Variants in SLC6A18 observed in about 807,000 individuals in gnomAD.
SLC6A18 encodes the protein solute carrier family 6 member 18.
SLC6A18 carries 58 observed loss-of-function variants against 62.9 expected under a neutral mutation model. That is an observed-to-expected ratio of 0.92 (90% CI 0.75 to 1.15). The LOEUF (loss-of-function observed/expected upper bound fraction) is 1.15. Ranked by LOEUF, SLC6A18 falls within the 50% of genes most tolerant of loss-of-function variation. The pLI, the probability that SLC6A18 is intolerant of heterozygous loss-of-function variation, is 0.00. For synonymous variants in SLC6A18, 382 were observed against 365.8 expected (o/e 1.04, Z -0.51); for missense variants, 793 against 836.6 (o/e 0.95, Z 0.64).
chr5:1,242,813 G>A lies in SLC6A18; in HGVS notation c.1081G>A (p.Val361Met). The change falls in exon 8 of 12, where the codon GTG becomes ATG. Residue 361 changes from valine to methionine, a missense_variant. Physicochemically the swap from Val to Met is conservative, Grantham distance 21 (BLOSUM62 1). Coordinates refer to ENST00000324642, the MANE Select transcript of SLC6A18 (RefSeq NM_182632.3). ...CCTGAACGCCACCTGGCCCAAGAGGGTGGCCCAGCTCCCCCTGAAGGCCTG... is the reference window on the plus strand; with the variant it reads ...CCTGAACGCCACCTGGCCCAAGAGGATGGCCCAGCTCCCCCTGAAGGCCTG... ...MHLNATWPKRVAQLPLKACLL... is the reference protein window; with the variant it reads ...MHLNATWPKRMAQLPLKACLL... 3.1e-6 allele frequency: 5 copies of A among 1,613,782 alleles called. No individual in the cohort carries two copies. Among genetic ancestry groups the A allele is most frequent in the Non-Finnish European group, 3.4e-6 (4 of 1,179,796 alleles).
intron 11 of SLC6A18, 81 bp downstream of exon 11, chr5:1,244,848 G>A (rs571887552): frequency 2.5e-5 from 37 of 1,467,220 alleles, no homozygotes; most frequent in South Asian, 1.9e-4. Context: ...TCCGGTGCCC[G>A]ACGACCCATG....
At chr5:1,235,864 C>T (rs960096667) in intron 4 of SLC6A18, among the ~76,000 whole-genome samples, 1 of 152,196 alleles carries the variant, frequency 6.6e-6, no homozygotes, top group Non-Finnish European at 1.5e-5. Flanking sequence ...GGCTCTGAAA[C>T]TGACTTTGTT....
intron 1 of SLC6A18, among the ~76,000 whole-genome samples, chr5:1,226,251 C>T (rs992509059): frequency 5.3e-5 from 8 of 152,198 alleles, no homozygotes; most frequent in South Asian, 2.1e-4. Flanking sequence ...CCACGCACCT[C>T]GAGCCTCCCC....
At chr5:1,245,378 G>A (rs1747191919) in intron 11 of SLC6A18, among the ~76,000 whole-genome samples, 1 of 152,286 alleles carries the variant, frequency 6.6e-6, no homozygotes, top group Middle Eastern at 3.4e-3. Context: ...CCCTTCTCGG[G>A]AATGTGGACG....
intron 1 of SLC6A18, 136 bp downstream of exon 1, chr5:1,225,773 C>T: frequency 4.6e-6 from 5 of 1,091,840 alleles, no homozygotes; most frequent in Non-Finnish European, 2.5e-6. Context: ...TGCACCATTG[C>T]CCACGGCAGA....
rs1223400075 is a variant in SLC6A18 at position 1,243,347 on chromosome 5, G to A, written c.1132-208G>A. ...CAGCTGCCTGCTGTGGGTTATTAAA[G>A]GGGAAGGACCCTCCCCTGCAGAGTT... On this transcript the variant is annotated intron_variant, in intron 8 of 11. Transcript: ENST00000324642. The surrounding 1 kb of genome is among the most constrained non-coding windows in gnomAD (Gnocchi z 6.5). Among the ~76,000 whole-genome samples, 1 of 152,192 alleles carries A rather than the reference G, an allele frequency of 6.6e-6. No homozygotes were observed. Among genetic ancestry groups the A allele is most frequent in the Non-Finnish European group, 1.5e-5 (1 of 68,016 alleles).
At chr5:1,232,446 C>A in intron 2 of SLC6A18, 87 bp downstream of exon 2, 1 of 1,511,700 alleles carries the variant, frequency 6.6e-7, no homozygotes, top group South Asian at 1.2e-5. Flanking sequence ...CGGGTCCATG[C>A]CTGTGGTACG....
Position 1,242,775 on chromosome 5 carries a change from C to A in SLC6A18, c.1043C>A (p.Ala348Asp), listed in dbSNP as rs1377250563. 1.2e-6 allele frequency: 2 copies of A among 1,613,912 alleles called. No homozygotes were observed. The highest frequency in any genetic ancestry group is 1.7e-6 in the Non-Finnish European group (2 of 1,179,910). Reference sequence around the variant, plus strand: ...AGCATCTCCAGGGACGACTACCCAGCCGTCCTCATGCACCTGAACGCCACC... The same window carrying A: ...AGCATCTCCAGGGACGACTACCCAGACGTCCTCATGCACCTGAACGCCACC... ...EQSISRDDYP[A>D]VLMHLNATWP... The change falls in exon 8 of 12, where the codon GCC becomes GAC. Residue 348 changes from alanine to aspartate, a missense_variant. Coordinates refer to ENST00000324642, the MANE Select transcript of SLC6A18 (RefSeq NM_182632.3).
At chr5:1,236,103 C>A (rs1284354860) in intron 4 of SLC6A18, among the ~76,000 whole-genome samples, 6 of 151,688 alleles carry the variant, frequency 4.0e-5, no homozygotes, top group Admixed American at 4.0e-4. Context: ...TAGCTCTGTC[C>A]TCAGATGTGT....
intron 3 of SLC6A18, among the ~76,000 whole-genome samples, chr5:1,235,090 A>G (rs1276295282): frequency 6.6e-6 from 1 of 152,160 alleles, no homozygotes; most frequent in Non-Finnish European, 1.5e-5. Flanking sequence ...CTCCCCAAGC[A>G]CTAGCCAGCC....
chr5:1,233,875 A>G (rs111255420), intron 3 of SLC6A18, among the ~76,000 whole-genome samples: 30,803 of 151,522 alleles, frequency 0.2, 3,199 homozygotes, highest in South Asian at 0.28. Context: ...CCAAATAGCT[A>G]GGACTACAGG....
rs757382342 is a variant in SLC6A18 at position 1,243,680 on chromosome 5, C to G, written c.1257C>G (p.Phe419Leu). 3 of 1,614,000 alleles carry G rather than the reference C, an allele frequency of 1.9e-6. No individual in the cohort carries two copies. In the East Asian group the frequency reaches 6.7e-5, roughly 36 times the overall value. ...TCACCTTGGGGCTATCGACCATGTT[C>G]GGGACCGTGGAGGCGGTCATCACAC... ...MLFTLGLSTMFGTVEAVITPL... is the reference protein window; with the variant it reads ...MLFTLGLSTMLGTVEAVITPL... The change falls in exon 9 of 12, where the codon TTC becomes TTG. Residue 419 changes from phenylalanine (F) to leucine (L), a missense_variant. Physicochemically the swap from Phe to Leu is conservative, Grantham distance 22 (BLOSUM62 0). Transcript: ENST00000324642. This position sits in a 1 kb window ranked among gnomAD's most constrained non-coding sequence, Gnocchi z 6.5.
chr5:1,239,113 C>T (rs1002729503), intron 5 of SLC6A18, among the ~76,000 whole-genome samples: 3 of 152,270 alleles, frequency 2.0e-5, no homozygotes, highest in Non-Finnish European at 2.9e-5. Context: ...TCACCCAGAA[C>T]CGCCCGGTTA....
chr5:1,237,763 T>A (rs1028585335), intron 4 of SLC6A18, among the ~76,000 whole-genome samples, 187 bp from the exon 5 acceptor site: 6 of 151,978 alleles, frequency 3.9e-5, no homozygotes, highest in African/African-American at 1.5e-4. Context: ...CCCCAAACCC[T>A]CCGAGCTTGC....
At chr5:1,228,703 C>G (rs1746644747) in intron 1 of SLC6A18, among the ~76,000 whole-genome samples, 1 of 152,146 alleles carries the variant, frequency 6.6e-6, no homozygotes, top group Non-Finnish European at 1.5e-5. Context: ...AAAACCCTGT[C>G]TCCATAAAAA....
rs762486912 is a variant in SLC6A18 at position 1,242,690 on chromosome 5, CCT to C, written c.975-12_975-11del. 2 of 1,589,112 alleles carry C rather than the reference CCT, an allele frequency of 1.3e-6. No individual in the cohort carries two copies. Among genetic ancestry groups the C allele is most frequent in the South Asian group, 1.1e-5 (1 of 88,412 alleles). Reference sequence around the variant, plus strand: ...GGAACCAGGGCCATGAGCCCACAGTCCTCTCTGTCCCCGCAGAAACATCCTCA... The same window carrying C: ...GGAACCAGGGCCATGAGCCCACAGTCCTCTGTCCCCGCAGAAACATCCTCA... On this transcript the variant is annotated splice_polypyrimidine_tract_variant and intron_variant, in intron 7 of 11. Transcript: ENST00000324642.
intron 7 of SLC6A18, among the ~76,000 whole-genome samples, chr5:1,242,195 C>G (rs1343864168): frequency 6.6e-6 from 1 of 152,210 alleles, no homozygotes; most frequent in Non-Finnish European, 1.5e-5. Flanking sequence ...CTGCCACCAC[C>G]CCCACCCCCT....
At position 1,246,114 on chromosome 5, in the gene SLC6A18, T is replaced by C; in HGVS notation, c.*36T>C. 1 of 1,473,606 alleles carries C rather than the reference T, an allele frequency of 6.8e-7. No homozygotes were observed. The highest frequency in any genetic ancestry group is 9.0e-7 in the Non-Finnish European group (1 of 1,112,694). The allele number at this position is 1,473,606 out of a possible 1,614,324, so 91.3% of individuals were successfully genotyped here. A position where few individuals can be genotyped will look rare whatever the true frequency, so the allele number is the denominator to read the frequency against. On this transcript the variant is annotated 3_prime_UTR_variant, in exon 12 of 12. Transcript: ENST00000324642. Reference sequence around the variant, plus strand: ...AGCGGGGCCTGCATGGGCGGGTCTGTGGGGGGGCTTGGCCTGATGGTGGGC... The same window carrying C: ...AGCGGGGCCTGCATGGGCGGGTCTGCGGGGGGGCTTGGCCTGATGGTGGGC...
intron 1 of SLC6A18, 46 bp from the exon 2 acceptor site, chr5:1,232,173 C>G (rs776051891): frequency 3.2e-6 from 5 of 1,578,566 alleles, no homozygotes; most frequent in Non-Finnish European, 2.6e-6. Context: ...CACAGTCCCC[C>G]CCAGCCCCCG....
Sources: gnomAD v4.1 joint callset for allele counts (sites outside exome capture counted in the v4.1 genomes callset) on GRCh38, gnomAD v4.1.1 for gene constraint, Gnocchi (gnomAD v3.1) non-coding constraint, MANE v1.5 for transcripts, NCBI Gene and HGNC (gene_info 2026-07-23, HGNC 2026-07-21) for gene names.